Variants in SNTG1 observed in about 807,000 individuals in gnomAD.
SNTG1 encodes the protein syntrophin gamma 1.
SNTG1 carries 39 observed loss-of-function variants against 74.7 expected under a neutral mutation model. The ratio of observed to expected loss-of-function variants is 0.52; its 90% CI spans 0.40 to 0.68. The LOEUF is 0.68. Among genes scored for constraint, SNTG1 ranks in the 30% least tolerant of loss-of-function variants. The pLI, the probability that SNTG1 is intolerant of heterozygous loss-of-function variation, is 0.00. For synonymous variants in SNTG1, 254 were observed against 217.1 expected (o/e 1.17, Z -1.49); for missense variants, 685 against 609.5 (o/e 1.12, Z -1.30).
chr8:50,256,151 A>C (rs918173686), intron 2 of SNTG1, among the ~76,000 whole-genome samples: 1 of 151,970 alleles, frequency 6.6e-6, no homozygotes, highest in African/African-American at 2.4e-5. Context: ...AGTATGTTCC[A>C]TGTGTCTTTT....
chr8:50,684,529 A>T (rs1317271709), intron 15 of SNTG1, among the ~76,000 whole-genome samples: 1 of 152,128 alleles, frequency 6.6e-6, no homozygotes, highest in Non-Finnish European at 1.5e-5. Context: ...GTCTGATGTC[A>T]ATCAAAAAAA....
intron 9 of SNTG1, among the ~76,000 whole-genome samples, chr8:50,511,069 C>G (rs2094068296): frequency 6.6e-6 from 1 of 152,170 alleles, no homozygotes; most frequent in African/African-American, 2.4e-5. Context: ...ATAAATTTCC[C>G]TCTACACACA....
At chr8:50,669,699 G>A (rs564140792) in intron 15 of SNTG1, among the ~76,000 whole-genome samples, 1 of 152,288 alleles carries the variant, frequency 6.6e-6, no homozygotes, top group East Asian at 1.9e-4. Flanking sequence ...TATGAGGCCA[G>A]CATCATCCTG....
chr8:50,023,250 A>G (rs1290681668), intron 1 of SNTG1, among the ~76,000 whole-genome samples: 1 of 152,186 alleles, frequency 6.6e-6, no homozygotes, highest in Non-Finnish European at 1.5e-5. Context: ...ATTAACAATC[A>G]GAATTGGAGT....
At chr8:50,509,962 G>T (rs901182004) in intron 9 of SNTG1, among the ~76,000 whole-genome samples, 2 of 152,126 alleles carry the variant, frequency 1.3e-5, no homozygotes, top group Non-Finnish European at 2.9e-5. Flanking sequence ...TGTTGAATAG[G>T]AGTGGTGAGA....
At chr8:50,140,522 G>A (rs924122036) in intron 1 of SNTG1, among the ~76,000 whole-genome samples, 4 of 151,990 alleles carry the variant, frequency 2.6e-5, no homozygotes, top group African/African-American at 9.7e-5. Flanking sequence ...TGGTCAGTGT[G>A]GGTATGAGTG....
intron 13 of SNTG1, among the ~76,000 whole-genome samples, chr8:50,629,677 T>C (rs966817062): frequency 5.9e-5 from 9 of 152,160 alleles, no homozygotes; most frequent in African/African-American, 1.2e-4. Context: ...TCATAAAAGA[T>C]TCTTTTGCTC....
chr8:50,328,702 A>C (rs1299992706), intron 2 of SNTG1, among the ~76,000 whole-genome samples: 2 of 152,170 alleles, frequency 1.3e-5, no homozygotes, highest in African/African-American at 4.8e-5. Flanking sequence ...TGGATTTTAT[A>C]ATGTGAGGTG....
chr8:50,458,551 T>C (rs1372966256), intron 8 of SNTG1, among the ~76,000 whole-genome samples: 1 of 152,116 alleles, frequency 6.6e-6, no homozygotes, highest in Non-Finnish European at 1.5e-5. Flanking sequence ...GGAGCATCCA[T>C]TATCAAAAGA....
At chr8:50,246,224 A>G (rs16919465) in intron 2 of SNTG1, among the ~76,000 whole-genome samples, 3 of 151,764 alleles carry the variant, frequency 2.0e-5, no homozygotes, top group Non-Finnish European at 4.4e-5. Context: ...TTCTTTGGTA[A>G]GTTCCTAGGG....
At chr8:50,695,698 C>T (rs903228811) in intron 15 of SNTG1, among the ~76,000 whole-genome samples, 1 of 151,606 alleles carries the variant, frequency 6.6e-6, no homozygotes, top group African/African-American at 2.4e-5. Flanking sequence ...TGTTTACTTC[C>T]CATTATAAGT....
rs529692316 is a variant in SNTG1, at chr8:50,461,234, A to G, written c.363+10505A>G. Among the ~76,000 whole-genome samples the G allele has an allele frequency of 4.6e-5, 7 of 150,784 alleles. No individual in the cohort carries two copies. In the South Asian group the frequency reaches 1.5e-3, roughly 32 times the overall value. On this transcript the variant is annotated intron_variant, in intron 8 of 18. Coordinates refer to ENST00000642720, the MANE Select transcript of SNTG1 (RefSeq NM_018967.5). ...GTACTGGGTTTATGTGGTTTTCCAG[A>G]GGAAGACCACGGAGTGAAATTGCCA...
intron 5 of SNTG1, among the ~76,000 whole-genome samples, chr8:50,443,954 T>A (rs2093381917): frequency 1.3e-5 from 2 of 151,920 alleles, no homozygotes; most frequent in South Asian, 4.2e-4. Context: ...ACCAACATGG[T>A]GAAACTCTGT....
chr8:50,767,696 C>T (rs1346375842), intron 18 of SNTG1, among the ~76,000 whole-genome samples: 2 of 151,932 alleles, frequency 1.3e-5, no homozygotes, highest in Non-Finnish European at 2.9e-5. Context: ...GACACTAATA[C>T]AGCTAGGCTT....
At chr8:50,421,814 G>A (rs1037102426) in intron 4 of SNTG1, among the ~76,000 whole-genome samples, 4 of 152,086 alleles carry the variant, frequency 2.6e-5, no homozygotes, top group Non-Finnish European at 5.9e-5. Context: ...GTATACCTGG[G>A]AGCCTTCAGA....
intron 18 of SNTG1, among the ~76,000 whole-genome samples, chr8:50,780,962 C>T (rs541220231): frequency 1.0e-3 from 153 of 152,238 alleles, no homozygotes; most frequent in Middle Eastern, 6.8e-3. Flanking sequence ...TCATTACGTA[C>T]CGAGTAGTCA....
intron 2 of SNTG1, among the ~76,000 whole-genome samples, chr8:50,298,217 A>G (rs1283962803): frequency 1.3e-5 from 2 of 152,158 alleles, no homozygotes; most frequent in East Asian, 1.9e-4. Context: ...TATCAGGAAG[A>G]GTAGAGTAGT....
At chr8:49,910,136 AG>A (rs1805509012), upstream of SNTG1, among the ~76,000 whole-genome samples, 1 of 152,222 alleles carries the variant, frequency 6.6e-6, no homozygotes, top group South Asian at 2.1e-4. Context: ...CCTTGATGGA[AG>A]CAAGCGTGGG....
intron 18 of SNTG1, among the ~76,000 whole-genome samples, chr8:50,792,319 C>A (rs1176512847): frequency 1.3e-5 from 2 of 151,666 alleles, no homozygotes; most frequent in Non-Finnish European, 2.9e-5. Context: ...CTGATGTGTG[C>A]ACAAAGAGAT....
Sources: gnomAD v4.1 joint callset for allele counts (sites outside exome capture counted in the v4.1 genomes callset) on GRCh38, gnomAD v4.1.1 for gene constraint, MANE v1.5 for transcripts, NCBI Gene and HGNC (gene_info 2026-07-23, HGNC 2026-07-21) for gene names.